MYO16: variants seen among roughly 807,000 people sequenced by gnomAD.
MYO16 encodes myosin XVI.
A neutral mutation model predicts 205.3 loss-of-function variants in MYO16; 94 were observed. The ratio of observed to expected loss-of-function variants is 0.46; its 90% CI spans 0.39 to 0.54. The LOEUF is 0.54. Ranked by LOEUF, MYO16 falls within the 20% of genes least tolerant of loss-of-function variation. The pLI, the probability that MYO16 is intolerant of heterozygous loss-of-function variation, is 0.00. For synonymous variants in MYO16, 988 were observed against 954.0 expected (o/e 1.04, Z -0.66); for missense variants, 2,315 against 2,387.5 (o/e 0.97, Z 0.63).
At chr13:109,137,740 T>C (rs998196258) in intron 31 of MYO16, among the ~76,000 whole-genome samples, 5 of 152,230 alleles carry the variant, frequency 3.3e-5, no homozygotes, top group Admixed American at 6.5e-5. Context: ...CGAAGCACTT[T>C]CCCTACAATA....
the MYO16 span, among the ~76,000 whole-genome samples, chr13:108,567,757 T>C: frequency 6.6e-6 from 1 of 152,138 alleles, no homozygotes; most frequent in South Asian, 2.1e-4. Context: ...CAATAATTTT[T>C]AGTACATTCA....
At chr13:109,032,518 A>T (rs1003171252) in intron 23 of MYO16, among the ~76,000 whole-genome samples, 1 of 152,212 alleles carries the variant, frequency 6.6e-6, no homozygotes, top group Non-Finnish European at 1.5e-5. Flanking sequence ...TAGAGGACAA[A>T]GGAAGAAACC....
At chr13:108,683,043 C>A (rs1322316829) in intron 2 of MYO16, among the ~76,000 whole-genome samples, 3 of 152,066 alleles carry the variant, frequency 2.0e-5, no homozygotes, top group Non-Finnish European at 4.4e-5. Flanking sequence ...CATCCTTACC[C>A]CCATCTCAAA....
chr13:108,750,800 C>A (rs1368192507), intron 4 of MYO16, among the ~76,000 whole-genome samples: 4 of 151,408 alleles, frequency 2.6e-5, no homozygotes, highest in Non-Finnish European at 5.9e-5. Context: ...GAGCAAGACT[C>A]CATCTCAAAC....
intron 10 of MYO16, among the ~76,000 whole-genome samples, chr13:108,847,551 C>T (rs1446910423): frequency 6.6e-6 from 1 of 152,098 alleles, no homozygotes; most frequent in African/African-American, 2.4e-5. Context: ...GAGATAAATA[C>T]ATCATGTGGA....
At chr13:108,625,692 G>A (rs1441286348), upstream of MYO16, among the ~76,000 whole-genome samples, 1 of 152,178 alleles carries the variant, frequency 6.6e-6, no homozygotes, top group East Asian at 1.9e-4. Context: ...TATTCACAGG[G>A]CAGAGGCAAT....
intron 33 of MYO16, among the ~76,000 whole-genome samples, chr13:109,177,166 T>G (rs1045871812): frequency 2.6e-5 from 4 of 152,084 alleles, no homozygotes; most frequent in Admixed American, 6.5e-5. Context: ...AACACCACCA[T>G]GAAGTTTACT....
chr13:108,638,344 T>G (rs921383937), intron 1 of MYO16, among the ~76,000 whole-genome samples: 1 of 151,692 alleles, frequency 6.6e-6, no homozygotes, highest in Non-Finnish European at 1.5e-5. Context: ...TACTTTTTAT[T>G]TCGGAGTTAC....
chr13:108,800,242 T>C (rs186529696), intron 6 of MYO16, among the ~76,000 whole-genome samples: 1 of 152,292 alleles, frequency 6.6e-6, no homozygotes, highest in African/African-American at 2.4e-5. Flanking sequence ...CATGCAAGAA[T>C]CAAAACCAGT....
At chr13:108,740,962 C>T (rs190559854) in intron 4 of MYO16, among the ~76,000 whole-genome samples, 6 of 152,236 alleles carry the variant, frequency 3.9e-5, no homozygotes, top group African/African-American at 1.2e-4. Flanking sequence ...CCTGGTGTGC[C>T]GTTTGCTAAG....
chr13:109,000,906 A>G (rs1459107148), intron 21 of MYO16, among the ~76,000 whole-genome samples: 1 of 152,094 alleles, frequency 6.6e-6, no homozygotes, highest in Non-Finnish European at 1.5e-5. Flanking sequence ...TCAAATCCCA[A>G]AGTAGTAATT....
chr13:109,007,727 A>G (rs534856542), intron 21 of MYO16, among the ~76,000 whole-genome samples: 2 of 152,058 alleles, frequency 1.3e-5, no homozygotes, highest in South Asian at 2.1e-4. Flanking sequence ...AAGAAATAAC[A>G]TATTTGTTTC....
chr13:109,009,129 C>A (rs551212931), intron 22 of MYO16, 80 bp downstream of exon 22: 2 of 1,205,350 alleles, frequency 1.7e-6, no homozygotes, highest in East Asian at 2.6e-5. Flanking sequence ...TCTTTCAGGA[C>A]GCCTTATTTT....
At chr13:109,149,037 A>T (rs1362915982) in intron 32 of MYO16, among the ~76,000 whole-genome samples, 1 of 152,190 alleles carries the variant, frequency 6.6e-6, no homozygotes, top group African/African-American at 2.4e-5. Context: ...AGAGCCTGAT[A>T]GGCTTTGTAC....
chr13:108,803,188 G>A (rs944672794), intron 6 of MYO16, among the ~76,000 whole-genome samples: 4 of 152,154 alleles, frequency 2.6e-5, no homozygotes, highest in Non-Finnish European at 2.9e-5. Flanking sequence ...GAAACCAGGC[G>A]GGGCCATCTT....
intron 23 of MYO16, among the ~76,000 whole-genome samples, chr13:109,028,598 A>G (rs1354291439): frequency 1.3e-5 from 2 of 151,498 alleles, no homozygotes; most frequent in Non-Finnish European, 2.9e-5. Context: ...ATTCTCTACA[A>G]TTTATATACA....
At chr13:108,678,611 G>C (rs1476940645) in intron 2 of MYO16, among the ~76,000 whole-genome samples, 1 of 152,088 alleles carries the variant, frequency 6.6e-6, no homozygotes, top group African/African-American at 2.4e-5. Flanking sequence ...TTTAGACCTT[G>C]TCATATTCAT....
At chr13:108,507,393 A>G in the MYO16 span, among the ~76,000 whole-genome samples, 3 of 151,920 alleles carry the variant, frequency 2.0e-5, no homozygotes, top group Non-Finnish European at 2.9e-5. Flanking sequence ...GCCACATATA[A>G]TATTCTTGCT....
intron 1 of MYO16, among the ~76,000 whole-genome samples, chr13:108,636,479 G>A (rs111361677): frequency 2.4e-4 from 35 of 148,264 alleles, no homozygotes; most frequent in African/African-American, 7.2e-4. Context: ...GCCCAGGTTC[G>A]AGCAATTCTC....
Sources: gnomAD v4.1 joint callset for allele counts (sites outside exome capture counted in the v4.1 genomes callset) on GRCh38, gnomAD v4.1.1 for gene constraint, MANE v1.5 for transcripts, NCBI Gene and HGNC (gene_info 2026-07-23, HGNC 2026-07-21) for gene names.